Variants in MSMP observed in about 807,000 individuals in gnomAD.
MSMP encodes microseminoprotein, prostate associated.
MSMP carries 9 observed loss-of-function variants against 15.8 expected under a neutral mutation model. That is an observed-to-expected ratio of 0.57 (90% CI 0.34 to 0.99). The LOEUF (loss-of-function observed/expected upper bound fraction) is 0.99. MSMP is among the 50% of genes least tolerant of loss of function. The probability of loss-of-function intolerance (pLI) is 0.02; values close to 1 mark genes in which losing one functional copy is unlikely to be tolerated. For missense variants in MSMP, 170 were observed against 173.4 expected (o/e 0.98, Z 0.11); for synonymous variants, 64 against 64.4 (o/e 0.99, Z 0.03).
At position 35,753,511 on chromosome 9, in the gene MSMP, CT is replaced by C; in HGVS notation, c.239+148del. On this transcript the variant is annotated intron_variant, in intron 2 of 2. Transcript: ENST00000436428. The surrounding 1 kb of genome is among the most constrained non-coding windows in gnomAD (Gnocchi z 4.2). ...CCTGATTTATAGCCTGAAGCCTTATCTTTCACACTAGTGTTGGTCCCTTCAG... is the reference window on the plus strand; with the variant it reads ...CCTGATTTATAGCCTGAAGCCTTATCTTCACACTAGTGTTGGTCCCTTCAG... 1.3e-6 allele frequency: 1 copy of C among 784,154 alleles called. No individual in the cohort carries two copies. The highest frequency in any genetic ancestry group is 2.1e-6 in the Non-Finnish European group (1 of 485,512). The allele number at this position is 784,154 out of a possible 1,614,324, so 48.6% of individuals were successfully genotyped here. A position where few individuals can be genotyped will look rare whatever the true frequency, so the allele number is the denominator to read the frequency against.
rs2132036675 is a variant in MSMP at position 35,753,601 on chromosome 9, G to A, written c.239+59C>T. On this transcript the variant is annotated intron_variant, in intron 2 of 2. Transcript: ENST00000436428. This position sits in a 1 kb window ranked among gnomAD's most constrained non-coding sequence, Gnocchi z 4.2. ...CATCACAGCAATCTAGTCACTCCCT[G>A]GTCATCCCTCAGTCACTCATATCAG... The A allele has an allele frequency of 1.4e-6, 2 of 1,405,896 alleles. No homozygotes were observed. Among genetic ancestry groups the A allele is most frequent in the South Asian group, 2.4e-5 (2 of 83,336 alleles). The allele number at this position is 1,405,896 out of a possible 1,614,324, so 87.1% of individuals were successfully genotyped here. A position where few individuals can be genotyped will look rare whatever the true frequency, so the allele number is the denominator to read the frequency against.
Position 35,753,604 on chromosome 9 carries a change from C to T in MSMP, c.239+56G>A. 4.2e-6 allele frequency: 6 copies of T among 1,428,122 alleles called. No individual in the cohort carries two copies. The highest frequency in any genetic ancestry group is 5.9e-6 in the Non-Finnish European group (6 of 1,021,650). 88.5% of individuals were successfully genotyped at this position (1,428,122 alleles called of 1,614,324 possible). A position where few individuals can be genotyped will look rare whatever the true frequency, so the allele number is the denominator to read the frequency against. On this transcript the variant is annotated intron_variant, in intron 2 of 2. Coordinates refer to ENST00000436428, the MANE Select transcript of MSMP (RefSeq NM_001044264.3). This position sits in a 1 kb window ranked among gnomAD's most constrained non-coding sequence, Gnocchi z 4.2. ...CACAGCAATCTAGTCACTCCCTGGT[C>T]ATCCCTCAGTCACTCATATCAGAGT...
At position 35,753,909 on chromosome 9, in the gene MSMP, G is replaced by T; in HGVS notation, c.130+91C>A. 6.4e-7 allele frequency: 1 copy of T among 1,555,080 alleles called. No individual in the cohort carries two copies. The highest frequency in any genetic ancestry group is 2.3e-5 in the East Asian group (1 of 44,322). On this transcript the variant is annotated intron_variant, in intron 1 of 2. Transcript: ENST00000436428. This position sits in a 1 kb window ranked among gnomAD's most constrained non-coding sequence, Gnocchi z 4.2. ...CCTGTTTCACAGCTGGAGGAAGCCTGGGTATTTTGACACGGGATCATCTGT... is the reference window on the plus strand; with the variant it reads ...CCTGTTTCACAGCTGGAGGAAGCCTTGGTATTTTGACACGGGATCATCTGT...
rs3750436 is a variant in MSMP at position 35,753,173 on chromosome 9, C to G, written c.347G>C (p.Gly116Ala). The G allele has an allele frequency of 8.7e-6, 14 of 1,614,174 alleles. No homozygotes were observed. The highest frequency in any genetic ancestry group is 5.5e-5 in the South Asian group (5 of 91,084). The change falls in exon 3 of 3, where the codon GGG (glycine) becomes GCG (alanine). Residue 116 changes from glycine (G) to alanine (A), a missense_variant. Physicochemically the swap from Gly to Ala is moderately conservative, Grantham distance 60. Coordinates refer to ENST00000436428, the MANE Select transcript of MSMP (RefSeq NM_001044264.3). The surrounding 1 kb of genome is among the most constrained non-coding windows in gnomAD (Gnocchi z 4.2). ...GCCCCATTCTGGGTCAGGCCCTCCC[C>G]CTTTGCAGGGCAGCCGAGGGTCAGA... ...QKSDPRLPCK[G>A]GGPDPEWGSA...
At position 35,753,268 on chromosome 9, in the gene MSMP, G is replaced by A; in HGVS notation, c.252C>T (p.Pro84=). The A allele has an allele frequency of 6.2e-7, 1 of 1,613,648 alleles. No homozygotes were observed. The highest frequency in any genetic ancestry group is 8.5e-7 in the Non-Finnish European group (1 of 1,179,988). ...GVGCCDTSQH[P]IDFPAGCEVR... is the part of the protein sequence containing the mutation. Reference sequence around the variant, plus strand: ...CCTCACACCCAGCCGGGAAGTCGATGGGATGCTGGGACCTGGGGAACCAAG... The same window carrying A: ...CCTCACACCCAGCCGGGAAGTCGATAGGATGCTGGGACCTGGGGAACCAAG... Residue 84 remains proline, a synonymous_variant, in exon 3 of 3, where the codon CCC becomes CCT. Transcript: ENST00000436428. This position sits in a 1 kb window ranked among gnomAD's most constrained non-coding sequence, Gnocchi z 4.2.
At position 35,754,163 on chromosome 9, in the gene MSMP, C is replaced by T. The variant is rs780837808; in HGVS notation, c.-34G>A. ...CACAGCCCTCTCAGACCCTTCTTGGCCTCTGCTCAGCTACTCTGGTCTTGA... is the reference window on the plus strand; with the variant it reads ...CACAGCCCTCTCAGACCCTTCTTGGTCTCTGCTCAGCTACTCTGGTCTTGA... On this transcript the variant is annotated 5_prime_UTR_variant, in exon 1 of 3. Coordinates refer to ENST00000436428, the MANE Select transcript of MSMP (RefSeq NM_001044264.3). 1.4e-5 allele frequency: 22 copies of T among 1,594,732 alleles called. No homozygotes were observed. In the South Asian group the frequency reaches 2.5e-4, roughly 18 times the overall value.
chr9:35,753,387 G>C lies in MSMP; in HGVS notation c.240-107C>G. 7.8e-7 allele frequency: 1 copy of C among 1,280,842 alleles called. No homozygotes were observed. Among genetic ancestry groups the C allele is most frequent in the Non-Finnish European group, 1.1e-6 (1 of 931,260 alleles). The allele number at this position is 1,280,842 out of a possible 1,614,324, so 79.3% of individuals were successfully genotyped here. A position where few individuals can be genotyped will look rare whatever the true frequency, so the allele number is the denominator to read the frequency against. On this transcript the variant is annotated intron_variant, in intron 2 of 2. Coordinates refer to ENST00000436428, the MANE Select transcript of MSMP (RefSeq NM_001044264.3). This position sits in a 1 kb window ranked among gnomAD's most constrained non-coding sequence, Gnocchi z 4.2. Reference sequence around the variant, plus strand: ...TTTTCCCCCCACAGAGCCCCTTTCAGTGGCCCCTTGGTCCTCCTAACTAAG... The same window carrying C: ...TTTTCCCCCCACAGAGCCCCTTTCACTGGCCCCTTGGTCCTCCTAACTAAG...
Position 35,753,864 on chromosome 9 carries a change from C to A in MSMP, c.131-96G>T. ...GTGGAGACAGTAAGTACGCACTATC[C>A]CCGTATTTAGTTTGTCTTTCCTGTT... On this transcript the variant is annotated intron_variant, in intron 1 of 2. Coordinates refer to ENST00000436428, the MANE Select transcript of MSMP (RefSeq NM_001044264.3). This position sits in a 1 kb window ranked among gnomAD's most constrained non-coding sequence, Gnocchi z 4.2. The A allele has an allele frequency of 6.6e-7, 1 of 1,512,226 alleles. No homozygotes were observed. The highest frequency in any genetic ancestry group is 1.2e-5 in the South Asian group (1 of 83,060). 93.7% of individuals were successfully genotyped at this position (1,512,226 alleles called of 1,614,324 possible).
At position 35,753,437 on chromosome 9, in the gene MSMP, T is replaced by G; in HGVS notation, c.240-157A>C. ...GCTGTCACCTACCATATGTGGGCCT[T>G]TTTGTTTTATAACAGGAGTATTTTC... is the stretch of plus-strand genomic sequence containing the variant. On this transcript the variant is annotated intron_variant, in intron 2 of 2. Coordinates refer to ENST00000436428, the MANE Select transcript of MSMP (RefSeq NM_001044264.3). This position sits in a 1 kb window ranked among gnomAD's most constrained non-coding sequence, Gnocchi z 4.2. 1 of 853,500 alleles carries G rather than the reference T, an allele frequency of 1.2e-6. No individual in the cohort carries two copies. The highest frequency in any genetic ancestry group is 1.8e-6 in the Non-Finnish European group (1 of 562,230). 52.9% of individuals were successfully genotyped at this position (853,500 alleles called of 1,614,324 possible).
At position 35,754,189 on chromosome 9, in the gene MSMP, C is replaced by A; in HGVS notation, c.-60G>T. ...CTCTGCTCAGCTACTCTGGTCTTGA[C>A]TCCTTGACTTTGCTTTGCGTTGCTC... is the stretch of plus-strand genomic sequence containing the variant. On this transcript the variant is annotated 5_prime_UTR_variant, in exon 1 of 3. Coordinates refer to ENST00000436428, the MANE Select transcript of MSMP (RefSeq NM_001044264.3). 1 of 1,560,660 alleles carries A rather than the reference C, an allele frequency of 6.4e-7. No individual in the cohort carries two copies. The highest frequency in any genetic ancestry group is 1.2e-5 in the South Asian group (1 of 84,714).
Position 35,753,487 on chromosome 9 carries a change from C to T in MSMP, c.239+173G>A. ...CTCTCCAGGTCCACCCCAACCTCCCCTGATTTATAGCCTGAAGCCTTATCT... is the reference window on the plus strand; with the variant it reads ...CTCTCCAGGTCCACCCCAACCTCCCTTGATTTATAGCCTGAAGCCTTATCT... On this transcript the variant is annotated intron_variant, in intron 2 of 2. Transcript: ENST00000436428. This position sits in a 1 kb window ranked among gnomAD's most constrained non-coding sequence, Gnocchi z 4.2. 1.3e-6 allele frequency: 1 copy of T among 775,380 alleles called. No homozygotes were observed. Among genetic ancestry groups the T allele is most frequent in the Non-Finnish European group, 2.1e-6 (1 of 482,918 alleles). The allele number at this position is 775,380 out of a possible 1,614,324, so 48.0% of individuals were successfully genotyped here.
At position 35,753,008 on chromosome 9, in the gene MSMP, T is replaced by C; in HGVS notation, c.*92A>G. Reference sequence around the variant, plus strand: ...GTCGGGCTTTCAGCTATAGCATTAATTTATTTGTTCAGAATACATTGGCAG... The same window carrying C: ...GTCGGGCTTTCAGCTATAGCATTAACTTATTTGTTCAGAATACATTGGCAG... On this transcript the variant is annotated 3_prime_UTR_variant, in exon 3 of 3. Coordinates refer to ENST00000436428, the MANE Select transcript of MSMP (RefSeq NM_001044264.3). The surrounding 1 kb of genome is among the most constrained non-coding windows in gnomAD (Gnocchi z 4.2). 6.4e-7 allele frequency: 1 copy of C among 1,553,376 alleles called. No individual in the cohort carries two copies. The highest frequency in any genetic ancestry group is 1.8e-5 in the Admixed American group (1 of 55,744).
Position 35,753,602 on chromosome 9 carries a change from G to T in MSMP, c.239+58C>A. On this transcript the variant is annotated intron_variant, in intron 2 of 2. Coordinates refer to ENST00000436428, the MANE Select transcript of MSMP (RefSeq NM_001044264.3). The surrounding 1 kb of genome is among the most constrained non-coding windows in gnomAD (Gnocchi z 4.2). ...ATCACAGCAATCTAGTCACTCCCTG[G>T]TCATCCCTCAGTCACTCATATCAGA... is the stretch of plus-strand genomic sequence containing the variant. The T allele has an allele frequency of 1.4e-6, 2 of 1,415,886 alleles. No homozygotes were observed. Among genetic ancestry groups the T allele is most frequent in the Non-Finnish European group, 2.0e-6 (2 of 1,011,316 alleles). The allele number at this position is 1,415,886 out of a possible 1,614,324, so 87.7% of individuals were successfully genotyped here.
chr9:35,753,037 C>G lies in MSMP; in HGVS notation c.*63G>C. On this transcript the variant is annotated 3_prime_UTR_variant, in exon 3 of 3. Transcript: ENST00000436428. The surrounding 1 kb of genome is among the most constrained non-coding windows in gnomAD (Gnocchi z 4.2). ...TTTGTTCAGAATACATTGGCAGCTGCTAGTGGTTTCCCTGGAAGTGGCAGC... is the reference window on the plus strand; with the variant it reads ...TTTGTTCAGAATACATTGGCAGCTGGTAGTGGTTTCCCTGGAAGTGGCAGC... 1 of 1,586,160 alleles carries G rather than the reference C, an allele frequency of 6.3e-7. No individual in the cohort carries two copies.
At position 35,754,207 on chromosome 9, in the gene MSMP, C is replaced by T. The variant is rs762805315; in HGVS notation, c.-78G>A. 4.7e-5 allele frequency: 72 copies of T among 1,528,486 alleles called. No individual in the cohort carries two copies. Among genetic ancestry groups the T allele is most frequent in the Middle Eastern group, 4.1e-4 (2 of 4,848 alleles). The allele number at this position is 1,528,486 out of a possible 1,614,324, so 94.7% of individuals were successfully genotyped here. A position where few individuals can be genotyped will look rare whatever the true frequency, so the allele number is the denominator to read the frequency against. On this transcript the variant is annotated 5_prime_UTR_variant, in exon 1 of 3. Coordinates refer to ENST00000436428, the MANE Select transcript of MSMP (RefSeq NM_001044264.3). ...GTCTTGACTCCTTGACTTTGCTTTG[C>T]GTTGCTCCTTGAGTCTTAGTTTCTG...
chr9:35,753,177 T>G lies in MSMP; in HGVS notation c.343A>C (p.Lys115Gln). 6.2e-7 allele frequency: 1 copy of G among 1,614,198 alleles called. No homozygotes were observed. The highest frequency in any genetic ancestry group is 1.3e-5 in the African/African-American group (1 of 75,044). ...CATTCTGGGTCAGGCCCTCCCCCTT[T>G]GCAGGGCAGCCGAGGGTCAGATTTT... Reference protein sequence around the residue: ...VQKSDPRLPCKGGGPDPEWGS... With the variant: ...VQKSDPRLPCQGGGPDPEWGS... The change falls in exon 3 of 3, where the codon AAA (lysine) becomes CAA (glutamine). Residue 115 changes from lysine (K) to glutamine (Q), a missense_variant. Transcript: ENST00000436428. This position sits in a 1 kb window ranked among gnomAD's most constrained non-coding sequence, Gnocchi z 4.2.
In MSMP at chr9:35,754,139, A is replaced by G; in HGVS notation, c.-10T>C. 1 of 1,610,472 alleles carries G rather than the reference A, an allele frequency of 6.2e-7. No individual in the cohort carries two copies. On this transcript the variant is annotated 5_prime_UTR_variant, in exon 1 of 3. Coordinates refer to ENST00000436428, the MANE Select transcript of MSMP (RefSeq NM_001044264.3). Reference sequence around the variant, plus strand: ...GCATCCTTAGGGCCATTGCTGCTGCACAGCCCTCTCAGACCCTTCTTGGCC... The same window carrying G: ...GCATCCTTAGGGCCATTGCTGCTGCGCAGCCCTCTCAGACCCTTCTTGGCC...
rs1166791678 is a variant in MSMP, at chr9:35,754,240, C to T, written c.-111G>A. On this transcript the variant is annotated 5_prime_UTR_variant, in exon 1 of 3. Coordinates refer to ENST00000436428, the MANE Select transcript of MSMP (RefSeq NM_001044264.3). ...CTTGAGTCTTAGTTTCTGTCTTTCT[C>T]CCCTGGGCTCCTGTCTCACACTATC... is the stretch of plus-strand genomic sequence containing the variant. The T allele has an allele frequency of 9.5e-6, 13 of 1,367,780 alleles. No homozygotes were observed. Among genetic ancestry groups the T allele is most frequent in the South Asian group, 1.4e-5 (1 of 70,606 alleles). 84.7% of individuals were successfully genotyped at this position (1,367,780 alleles called of 1,614,324 possible).
Position 35,753,833 on chromosome 9 carries a change from T to C in MSMP, c.131-65A>G. The stretch of plus-strand genomic sequence containing the variant: ...TGATGAGAGGCAGAGGCTCTTCTGG[T>C]CTGGGGTGGAGACAGTAAGTACGCA... On this transcript the variant is annotated intron_variant, in intron 1 of 2. Transcript: ENST00000436428. This position sits in a 1 kb window ranked among gnomAD's most constrained non-coding sequence, Gnocchi z 4.2. 6.5e-7 allele frequency: 1 copy of C among 1,545,332 alleles called. No homozygotes were observed. The highest frequency in any genetic ancestry group is 8.9e-7 in the Non-Finnish European group (1 of 1,121,196).
Sources: allele counts gnomAD v4.1 joint callset, GRCh38; gene constraint gnomAD v4.1.1; non-coding constraint Gnocchi (gnomAD v3.1); transcripts MANE v1.5; gene names NCBI Gene and HGNC (gene_info 2026-07-23, HGNC 2026-07-21).